BET1: variants seen among roughly 807,000 people sequenced by gnomAD.
BET1 encodes BET1 homolog.
Under a neutral mutation model 13.9 loss-of-function variants are expected in BET1, and 9 were observed. The observed-to-expected ratio is 0.65, with a 90% CI of 0.39 to 1.13. The LOEUF is 1.13. Ranked by LOEUF, BET1 falls within the 50% of genes most tolerant of loss-of-function variation. BET1 has a pLI of 0.01. For missense variants in BET1, 127 were observed against 133.6 expected, an observed-to-expected ratio of 0.95 and a Z score of 0.24; for synonymous variants, 39 against 47.3, an observed-to-expected ratio of 0.82 and a Z score of 0.72.
downstream of BET1, among the ~76,000 whole-genome samples, chr7:93,989,202 C>A (rs148155851): frequency 6.6e-6 from 1 of 151,444 alleles, no homozygotes; most frequent in African/African-American, 2.4e-5. Flanking sequence ...TTAGTAGACA[C>A]GGGGTTTCAT....
chr7:93,967,498 T>C (rs998306698), intron 6 of BET1, among the ~76,000 whole-genome samples: 5 of 151,738 alleles, frequency 3.3e-5, no homozygotes, highest in Non-Finnish European at 7.4e-5. Context: ...ATCTAAGAAT[T>C]AATAAGACTG....
intron 4 of BET1, among the ~76,000 whole-genome samples, chr7:93,979,435 T>G (rs1053921009): frequency 1.3e-5 from 2 of 152,124 alleles, no homozygotes; most frequent in African/African-American, 4.8e-5. Flanking sequence ...TTAGTGAACT[T>G]TAACATTCTA....
At chr7:93,969,519 G>C (rs1313356059) in intron 6 of BET1, 1 of 151,522 alleles carries the variant, frequency 6.6e-6, no homozygotes, top group African/African-American at 2.4e-5. Flanking sequence ...TCAGGAAGGA[G>C]ACATAGATGC....
At chr7:94,003,130 C>G (rs886660904) in intron 1 of BET1, among the ~76,000 whole-genome samples, 2 of 151,822 alleles carry the variant, frequency 1.3e-5, no homozygotes, top group Admixed American at 1.3e-4. Context: ...GGATGATGAA[C>G]AAGAAAAACA....
At chr7:94,001,541 T>G (rs558491149) in intron 1 of BET1, among the ~76,000 whole-genome samples, 1 of 152,308 alleles carries the variant, frequency 6.6e-6, no homozygotes, top group East Asian at 1.9e-4. Flanking sequence ...ATCTGAATTT[T>G]GCTGCTGACA....
chr7:93,988,523 C>CATCTTGAGT (rs1795570306), downstream of BET1, among the ~76,000 whole-genome samples: 1 of 152,070 alleles, frequency 6.6e-6, no homozygotes, highest in African/African-American at 2.4e-5. Context: ...TAAGAAAACC[C>CATCTTGAGT]ATCTTGAGTT....
Position 93,994,090 on chromosome 7 carries a change from T to C in BET1, c.*140A>G. The C allele has an allele frequency of 6.9e-7, 1 of 1,441,322 alleles. No individual in the cohort carries two copies. Among genetic ancestry groups the C allele is most frequent in the Non-Finnish European group, 9.1e-7 (1 of 1,104,130 alleles). 89.3% of individuals were successfully genotyped at this position (1,441,322 alleles called of 1,614,324 possible). A position where few individuals can be genotyped will look rare whatever the true frequency, so the allele number is the denominator to read the frequency against. On this transcript the variant is annotated 3_prime_UTR_variant, in exon 4 of 4. Transcript: ENST00000222547. ...CCACTGTATTAACTAATGTGATTTA[T>C]AAAATAAGCAAAATTCAGCAATTTT...
intron 5 of BET1, among the ~76,000 whole-genome samples, chr7:93,975,704 C>T (rs1293168664): frequency 1.3e-5 from 2 of 152,042 alleles, no homozygotes; most frequent in Non-Finnish European, 2.9e-5. Flanking sequence ...GTTTTAATTA[C>T]AAGCATACTG....
chr7:93,992,475 G>A (rs573200738), downstream of BET1: 6 of 984,868 alleles, frequency 6.1e-6, no homozygotes, highest in South Asian at 9.4e-5. Flanking sequence ...TGCTCTTCCC[G>A]TTTTTCACAA....
intron 4 of BET1, among the ~76,000 whole-genome samples, chr7:93,977,028 A>T (rs1365977631): frequency 6.6e-6 from 1 of 152,068 alleles, no homozygotes; most frequent in Non-Finnish European, 1.5e-5. Context: ...TATGGCTGAG[A>T]TATATCTATA....
At chr7:93,983,432 A>G (rs1411347928) in intron 4 of BET1, among the ~76,000 whole-genome samples, 1 of 152,184 alleles carries the variant, frequency 6.6e-6, no homozygotes. Context: ...AAAAGTTGCA[A>G]TATTTTAGGG....
At chr7:93,991,775 C>T, downstream of BET1, 1 of 957,746 alleles carries the variant, frequency 1.0e-6, no homozygotes. Flanking sequence ...TACTCTGCTT[C>T]CCAATAAATA....
chr7:93,970,188 T>G lies in BET1; in HGVS notation c.*137+2387A>C, dbSNP rs148072352. Among the ~76,000 whole-genome samples, 39 of 151,976 alleles carry G rather than the reference T, an allele frequency of 2.6e-4. No homozygotes were observed. The East Asian group carries it at 7.2e-3, about 28-fold the overall frequency. On this transcript the variant is annotated intron_variant and NMD_transcript_variant, in intron 6 of 6. Coordinates refer to the BET1 transcript ENST00000357520. Reference sequence around the variant, plus strand: ...ATGAAAGAGGGAAATAAGTGGATTTTGCAAAGAATATTCACCAAGACCTTT... The same window carrying G: ...ATGAAAGAGGGAAATAAGTGGATTTGGCAAAGAATATTCACCAAGACCTTT...
chr7:93,997,636 T>G (rs555720988), intron 2 of BET1, among the ~76,000 whole-genome samples: 1 of 152,318 alleles, frequency 6.6e-6, no homozygotes, highest in Admixed American at 6.5e-5. Flanking sequence ...AAAGACTATA[T>G]TGAAATACCA....
intron 4 of BET1, among the ~76,000 whole-genome samples, chr7:93,977,410 G>C (rs1795358558): frequency 1.3e-5 from 2 of 152,052 alleles, no homozygotes; most frequent in East Asian, 3.9e-4. Flanking sequence ...ATTCTAATTA[G>C]ATAAACCCCA....
chr7:94,000,424 C>G (rs7793293), intron 1 of BET1: 1 of 152,000 alleles, frequency 6.6e-6, no homozygotes, highest in Non-Finnish European at 1.5e-5. Context: ...TTGTTGCCAT[C>G]AATTTTCTCA....
intron 2 of BET1, among the ~76,000 whole-genome samples, chr7:93,998,176 T>G (rs1216837565): frequency 3.9e-5 from 6 of 152,158 alleles, no homozygotes; most frequent in African/African-American, 1.4e-4. Flanking sequence ...AGAGATAAGA[T>G]CTCAAAAGCT....
At chr7:93,990,949 T>C (rs1010492061), downstream of BET1, among the ~76,000 whole-genome samples, 2 of 152,184 alleles carry the variant, frequency 1.3e-5, no homozygotes, top group African/African-American at 4.8e-5. Flanking sequence ...CTTTGGTTCA[T>C]GCAATAGTCT....
At chr7:93,994,998 C>A (rs1435651282) in intron 3 of BET1, among the ~76,000 whole-genome samples, 1 of 151,222 alleles carries the variant, frequency 6.6e-6, no homozygotes, top group Admixed American at 6.6e-5. Flanking sequence ...CGCACGCCAC[C>A]ACGCCCAGCT....
Sources: gnomAD v4.1 joint callset for allele counts (sites outside exome capture counted in the v4.1 genomes callset) on GRCh38, gnomAD v4.1.1 for gene constraint, MANE v1.5 for transcripts, NCBI Gene and HGNC (gene_info 2026-07-23, HGNC 2026-07-21) for gene names.